Variants in BICDL1 observed in about 807,000 individuals in gnomAD.
BICDL1 encodes BICD family like cargo adaptor 1.
In BICDL1, 20 loss-of-function variants were observed where a neutral mutation model predicts 76.8. The observed-to-expected ratio is 0.26, with a 90% confidence interval of 0.18 to 0.38. The LOEUF (loss-of-function observed/expected upper bound fraction) is 0.38. BICDL1 is among the 10% of genes least tolerant of loss of function. BICDL1 has a pLI of 1.00. For missense variants in BICDL1, 700 were observed against 798.6 expected (o/e 0.88, Z 1.49); for synonymous variants, 383 against 337.1 (o/e 1.14, Z -1.49).
intron 2 of BICDL1, among the ~76,000 whole-genome samples, chr12:120,006,929 G>A (rs919171514): frequency 6.6e-6 from 1 of 152,102 alleles, no homozygotes; most frequent in Non-Finnish European, 1.5e-5. Flanking sequence ...GAGGGTGGAG[G>A]GATAGAGATG....
intron 9 of BICDL1, chr12:120,092,108 CAGG>C (rs1875023032): frequency 1.0e-6 from 1 of 985,420 alleles, no homozygotes; most frequent in Non-Finnish European, 1.2e-6. Flanking sequence ...ATTTCTAAAG[CAGG>C]AGTTTTCAAA....
At chr12:120,000,013 G>T (rs992986418) in intron 2 of BICDL1, 1 of 193,462 alleles carries the variant, frequency 5.2e-6, no homozygotes, top group African/African-American at 2.4e-5. Context: ...GCTGTATGAA[G>T]TTATTTCACT....
At chr12:120,025,150 A>T (rs1260181789) in intron 2 of BICDL1, among the ~76,000 whole-genome samples, 1 of 149,358 alleles carries the variant, frequency 6.7e-6, no homozygotes, top group African/African-American at 2.5e-5. Context: ...CCTGGGGTTC[A>T]CACCATTCTC....
At position 120,072,902 on chromosome 12, in the gene BICDL1, G is replaced by A. The variant is rs750970234; in HGVS notation, c.1308+173G>A. 6.6e-5 allele frequency among the ~76,000 whole-genome samples: 10 copies of A among 152,122 alleles called. No homozygotes were observed. In the South Asian group the frequency reaches 1.0e-3, roughly 16 times the overall value. On this transcript the variant is annotated intron_variant, in intron 6 of 9. Transcript: ENST00000548673. ...GATTTTGTTTTTGAGACAGAGTCTC[G>A]CTCTGTTACCCCGGCTGGAGTGAGG...
chr12:119,993,063 C>T (rs1388916397), intron 1 of BICDL1: 1 of 149,576 alleles, frequency 6.7e-6, no homozygotes, highest in Non-Finnish European at 1.5e-5. Flanking sequence ...ATGACATTCT[C>T]CTGCCTCAGC....
Position 119,989,875 on chromosome 12 carries a change from G to A in BICDL1, c.7G>A (p.Ala3Thr). MS[A>T]FCLGLVGRAS... is the part of the protein sequence containing the mutation. ...GGCTCCGCGCGCGCGGGCCATGTCC[G>A]CTTTCTGCCTGGGCTTGGTCGGCCG... is the stretch of plus-strand genomic sequence containing the variant. The change falls in exon 1 of 10, where the codon GCT becomes ACT. Residue 3 changes from alanine to threonine, a missense_variant. Physicochemically the swap from Ala to Thr is moderately conservative, Grantham distance 58 (BLOSUM62 0). Transcript: ENST00000548673. 1.4e-6 allele frequency: 2 copies of A among 1,413,848 alleles called. No individual in the cohort carries two copies. The highest frequency in any genetic ancestry group is 1.8e-6 in the Non-Finnish European group (2 of 1,095,416). 87.6% of individuals were successfully genotyped at this position (1,413,848 alleles called of 1,614,324 possible).
intron 2 of BICDL1, among the ~76,000 whole-genome samples, chr12:120,042,839 A>G (rs1357165995): frequency 1.3e-5 from 2 of 151,164 alleles, no homozygotes; most frequent in Non-Finnish European, 3.0e-5. Flanking sequence ...CCTAAGTCAG[A>G]GGAGAGGTCA....
At chr12:120,089,271 CGTGTGTGTGTGTGTGT>C (rs138992612) in intron 8 of BICDL1, among the ~76,000 whole-genome samples, 1 of 146,718 alleles carries the variant, frequency 6.8e-6, no homozygotes, top group Non-Finnish European at 1.5e-5. Flanking sequence ...CCTTTTTCAA[CGTGTGTGTGTGTGTGT>C]GTATGTGTGT....
In BICDL1 at chr12:120,080,933, A is replaced by G. The variant is rs1188553022; in HGVS notation, c.1499A>G (p.Asp500Gly). Residue 500 changes from aspartate to glycine, a missense_variant, in exon 8 of 10, where the codon GAC becomes GGC. Physicochemically the swap from Asp to Gly is moderately conservative, Grantham distance 94 (BLOSUM62 -1). Coordinates refer to ENST00000548673, the MANE Select transcript of BICDL1 (RefSeq NM_001367886.1). ...ATGACTGCCCTAAAAGAGGAGAGAGACCGACTCAGAGTCACTTCTGAGGAC... is the reference window on the plus strand; with the variant it reads ...ATGACTGCCCTAAAAGAGGAGAGAGGCCGACTCAGAGTCACTTCTGAGGAC... ...VEMTALKEER[D>G]RLRVTSEDKE... 44 of 1,613,646 alleles carry G rather than the reference A, an allele frequency of 2.7e-5. No homozygotes were observed. Among genetic ancestry groups the G allele is most frequent in the Non-Finnish European group, 3.7e-5 (44 of 1,179,896 alleles).
At chr12:120,067,360 A>G (rs1953243506) in intron 4 of BICDL1, among the ~76,000 whole-genome samples, 1 of 152,262 alleles carries the variant, frequency 6.6e-6, no homozygotes, top group Admixed American at 6.5e-5. Context: ...ATTGTGTACC[A>G]TTAGGCAAAT....
intron 2 of BICDL1, among the ~76,000 whole-genome samples, chr12:120,018,493 C>T (rs1440095756): frequency 6.6e-6 from 1 of 152,098 alleles, no homozygotes; most frequent in Admixed American, 6.6e-5. Flanking sequence ...GGAATGAAAG[C>T]AAAACCTTAA....
chr12:120,091,209 G>T, intron 9 of BICDL1: 1 of 1,183,010 alleles, frequency 8.5e-7, no homozygotes, highest in South Asian at 1.6e-5. Context: ...TCAGCAGTGT[G>T]TGGCCCAGTG....
At chr12:120,074,078 T>C (rs1475350395) in intron 6 of BICDL1, among the ~76,000 whole-genome samples, 1 of 152,092 alleles carries the variant, frequency 6.6e-6, no homozygotes, top group Non-Finnish European at 1.5e-5. Context: ...CACACCCGGC[T>C]AATTTTTTGT....
At chr12:120,074,966 T>A (rs1873420460) in intron 7 of BICDL1, among the ~76,000 whole-genome samples, 1 of 152,214 alleles carries the variant, frequency 6.6e-6, no homozygotes, top group Non-Finnish European at 1.5e-5. Flanking sequence ...TACAGCACAG[T>A]TCCCTTTTGT....
intron 2 of BICDL1, among the ~76,000 whole-genome samples, chr12:120,020,608 A>G (rs573098429): frequency 1.3e-5 from 2 of 152,342 alleles, no homozygotes; most frequent in African/African-American, 4.8e-5. Context: ...TTATAGAAGT[A>G]ATGTTATAAT....
intron 7 of BICDL1, among the ~76,000 whole-genome samples, chr12:120,078,023 G>T (rs2138973055): frequency 6.6e-6 from 1 of 152,246 alleles, no homozygotes; most frequent in East Asian, 1.9e-4. Context: ...AAGGGCAGTG[G>T]CACATGCACC....
intron 2 of BICDL1, among the ~76,000 whole-genome samples, chr12:120,027,458 A>C (rs1952330524): frequency 6.6e-6 from 1 of 152,160 alleles, no homozygotes; most frequent in South Asian, 2.1e-4. Context: ...TGAGATTGAA[A>C]ATGGTGGTAT....
chr12:120,057,831 T>C (rs1247964194), intron 2 of BICDL1, among the ~76,000 whole-genome samples: 1 of 136,436 alleles, frequency 7.3e-6, no homozygotes, highest in Non-Finnish European at 1.5e-5. Context: ...TTTTTTTTTT[T>C]TTTTTTTTTT....
Position 120,010,737 on chromosome 12 carries a change from G to GT in BICDL1, c.645+12010dup, listed in dbSNP as rs200946813. Among the ~76,000 whole-genome samples the GT allele has an allele frequency of 4.2e-3, 634 of 151,228 alleles. 3 individuals are homozygous for GT. Among genetic ancestry groups the GT allele is most frequent in the African/African-American group, 0.014 (564 of 41,212 alleles). On this transcript the variant is annotated intron_variant, in intron 2 of 9. Coordinates refer to ENST00000548673, the MANE Select transcript of BICDL1 (RefSeq NM_001367886.1). ...TAATATTTTATTTGAGGGAAAAAGT[G>GT]TTTTTTTTTATCTGAGTTTAAAGAA...
Sources: gnomAD v4.1 joint callset for allele counts (sites outside exome capture counted in the v4.1 genomes callset) on GRCh38, gnomAD v4.1.1 for gene constraint, MANE v1.5 for transcripts, NCBI Gene and HGNC (gene_info 2026-07-23, HGNC 2026-07-21) for gene names.